Variants in DIS3L2 observed in about 807,000 individuals in gnomAD.
The protein encoded by DIS3L2 is DIS3 like 3'-5' exoribonuclease 2, also known as DIS3-like exonuclease 2.
In DIS3L2, 34 loss-of-function variants were observed where a neutral mutation model predicts 97.5. The observed-to-expected ratio is 0.35, with a 90% CI of 0.27 to 0.46. The LOEUF (loss-of-function observed/expected upper bound fraction) is 0.46. DIS3L2 is among the 20% of genes least tolerant of loss of function. DIS3L2 has a pLI of 1.00. For synonymous variants in DIS3L2, 435 were observed against 445.2 expected (o/e 0.98, Z 0.29); for missense variants, 1,038 against 1,146.0 (o/e 0.91, Z 1.36).
At chr2:232,274,475 T>G (rs952682705) in intron 13 of DIS3L2, among the ~76,000 whole-genome samples, 1 of 152,244 alleles carries the variant, frequency 6.6e-6, no homozygotes, top group Non-Finnish European at 1.5e-5. Context: ...CAGCTGACCC[T>G]TAGATTTAAA....
chr2:231,972,190 T>C (rs898167101), intron 1 of DIS3L2, among the ~76,000 whole-genome samples: 2 of 150,470 alleles, frequency 1.3e-5, no homozygotes, highest in African/African-American at 4.9e-5. Flanking sequence ...TCTCAAAAAA[T>C]AAAAAAATAA....
intron 4 of DIS3L2, among the ~76,000 whole-genome samples, chr2:232,025,215 G>A (rs954352466): frequency 2.6e-5 from 4 of 152,058 alleles, no homozygotes; most frequent in South Asian, 4.2e-4. Context: ...TGGGACCAGA[G>A]GTATTTTGGA....
chr2:232,237,908 AAG>A (rs917378415), intron 10 of DIS3L2, among the ~76,000 whole-genome samples: 1 of 152,198 alleles, frequency 6.6e-6, no homozygotes, highest in Admixed American at 6.5e-5. Flanking sequence ...AGGAAATGGA[AAG>A]AGGTTTCCCA....
chr2:232,136,651 A>G lies in DIS3L2; in HGVS notation c.882A>G (p.Lys294=). ...DCPQDFVARP[K]DYANTLFICR... ...CCCAGGACTTTGTGGCACGGCCTAA[A>G]GATTATGCCAACACACTGTTCATCT... is the stretch of plus-strand genomic sequence containing the variant. Residue 294 remains lysine (K), a synonymous_variant, in exon 8 of 21, where the codon AAA becomes AAG. Transcript: ENST00000325385. 1 of 1,613,814 alleles carries G rather than the reference A, an allele frequency of 6.2e-7. No homozygotes were observed. The highest frequency in any genetic ancestry group is 8.5e-7 in the Non-Finnish European group (1 of 1,179,926).
chr2:231,995,502 C>G (rs1693708366), intron 1 of DIS3L2, among the ~76,000 whole-genome samples: 1 of 152,074 alleles, frequency 6.6e-6, no homozygotes, highest in African/African-American at 2.4e-5. Flanking sequence ...GAGATTGTTC[C>G]CCTTCAAGGG....
At chr2:232,196,158 A>G (rs1053888571) in intron 9 of DIS3L2, among the ~76,000 whole-genome samples, 2 of 152,086 alleles carry the variant, frequency 1.3e-5, no homozygotes, top group African/African-American at 4.8e-5. Flanking sequence ...GTTGGAGTGC[A>G]GTGGTGCAGT....
intron 12 of DIS3L2, among the ~76,000 whole-genome samples, chr2:232,256,792 C>A (rs1016792903): frequency 6.6e-6 from 1 of 151,640 alleles, no homozygotes; most frequent in Non-Finnish European, 1.5e-5. Flanking sequence ...AGATCGAGAC[C>A]CTGTTTCTAA....
chr2:232,323,806 G>A (rs1288187995), intron 14 of DIS3L2, among the ~76,000 whole-genome samples: 1 of 152,150 alleles, frequency 6.6e-6, no homozygotes, highest in Non-Finnish European at 1.5e-5. Context: ...ATGGCCAGCT[G>A]TGGGTGGGGG....
rs1003818591 is a variant in DIS3L2, at chr2:232,037,807, C to A, written c.366+7727C>A. ...GGGGTGGGAGTTCCCTGACTCCTTG[C>A]ACTTCCTGGGTGAGGTAACGCCCCA... On this transcript the variant is annotated intron_variant, in intron 5 of 20. Transcript: ENST00000325385. The surrounding 1 kb of genome is among the most constrained non-coding windows in gnomAD (Gnocchi z 4.6). Among the ~76,000 whole-genome samples, 2 of 152,202 alleles carry A rather than the reference C, an allele frequency of 1.3e-5. No individual in the cohort carries two copies. Among genetic ancestry groups the A allele is most frequent in the African/African-American group, 4.8e-5 (2 of 41,448 alleles).
At chr2:232,205,211 C>CATATATAT (rs57163508) in intron 9 of DIS3L2, among the ~76,000 whole-genome samples, 1,530 of 140,492 alleles carry the variant, frequency 0.011, 28 homozygotes, top group African/African-American at 0.034. Context: ...AGGCAGTTTA[C>CATATATAT]ATATATATAT....
chr2:232,052,115 C>G (rs890502229), intron 5 of DIS3L2, among the ~76,000 whole-genome samples: 2 of 151,788 alleles, frequency 1.3e-5, no homozygotes, highest in Non-Finnish European at 2.9e-5. Flanking sequence ...CCTCCGTCTC[C>G]TGGTTCAAGC....
At chr2:232,326,585 G>T (rs1320993685) in intron 14 of DIS3L2, among the ~76,000 whole-genome samples, 1 of 151,886 alleles carries the variant, frequency 6.6e-6, no homozygotes, top group Non-Finnish European at 1.5e-5. Flanking sequence ...AACAGCCCCT[G>T]CAGCTGTCCT....
intron 5 of DIS3L2, among the ~76,000 whole-genome samples, chr2:232,046,294 G>A (rs969588644): frequency 6.6e-6 from 1 of 152,088 alleles, no homozygotes; most frequent in African/African-American, 2.4e-5. Context: ...TCCTTTTGGG[G>A]TAATTTGGAT....
At chr2:232,223,790 AG>A (rs1195798922) in intron 10 of DIS3L2, among the ~76,000 whole-genome samples, 2 of 152,238 alleles carry the variant, frequency 1.3e-5, no homozygotes, top group Non-Finnish European at 2.9e-5. Flanking sequence ...ATATAAAATT[AG>A]AAAGATTAAA....
intron 5 of DIS3L2, among the ~76,000 whole-genome samples, chr2:232,077,943 TTTTCTTTCTTTCTC>T (rs1341694271): frequency 4.5e-4 from 67 of 149,098 alleles, no homozygotes; most frequent in Non-Finnish European, 7.8e-4. Flanking sequence ...CTTTCTTTCT[TTTTCTTTCTTTCTC>T]TTTCTTTCTT....
chr2:232,264,233 C>T (rs1693796610), intron 13 of DIS3L2, among the ~76,000 whole-genome samples: 1 of 152,248 alleles, frequency 6.6e-6, no homozygotes, highest in African/African-American at 2.4e-5. Context: ...ACTCACTGCT[C>T]ACCTCCTGCT....
chr2:232,114,597 G>T (rs951226792), intron 6 of DIS3L2, among the ~76,000 whole-genome samples: 2 of 152,142 alleles, frequency 1.3e-5, no homozygotes, highest in Non-Finnish European at 2.9e-5. Flanking sequence ...TTATACACGT[G>T]AATCTTGTCA....
intron 12 of DIS3L2, among the ~76,000 whole-genome samples, chr2:232,251,190 C>T (rs534419465): frequency 9.2e-5 from 14 of 152,108 alleles, no homozygotes; most frequent in Non-Finnish European, 2.1e-4. Flanking sequence ...AAGAAGTAAA[C>T]AAACAGAAAA....
chr2:232,155,057 C>G (rs901376749), intron 8 of DIS3L2, among the ~76,000 whole-genome samples: 2 of 150,352 alleles, frequency 1.3e-5, no homozygotes, highest in South Asian at 2.1e-4. Context: ...CGCCCTGCTT[C>G]GGCTCGCGCA....
Sources: gnomAD v4.1 joint callset for allele counts (sites outside exome capture counted in the v4.1 genomes callset) on GRCh38, gnomAD v4.1.1 for gene constraint, Gnocchi (gnomAD v3.1) non-coding constraint, MANE v1.5 for transcripts, NCBI Gene and HGNC (gene_info 2026-07-23, HGNC 2026-07-21) for gene names.